ZNF407: variants seen among roughly 807,000 people sequenced by gnomAD.
ZNF407 encodes zinc finger protein 407.
In ZNF407, 17 loss-of-function variants were observed where a neutral mutation model predicts 131.2. That is an observed-to-expected ratio of 0.13 (90% CI 0.09 to 0.19). The LOEUF is 0.19. ZNF407 is among the 10% of genes least tolerant of loss of function. The probability of loss-of-function intolerance (pLI) is 1.00; values close to 1 mark genes in which losing one functional copy is unlikely to be tolerated. For missense variants in ZNF407, 2,681 were observed against 2,830.6 expected (o/e 0.95, Z 1.20); for synonymous variants, 1,156 against 1,062.0 (o/e 1.09, Z -1.72).
chr18:75,034,115 T>C (rs1973277032), intron 8 of ZNF407, among the ~76,000 whole-genome samples: 1 of 152,172 alleles, frequency 6.6e-6, no homozygotes, highest in Non-Finnish European at 1.5e-5. Flanking sequence ...TATACACACA[T>C]ATCAGCGTTC....
At chr18:74,642,225 C>T (rs1052963945) in intron 3 of ZNF407, among the ~76,000 whole-genome samples, 2 of 152,046 alleles carry the variant, frequency 1.3e-5, no homozygotes, top group African/African-American at 4.8e-5. Flanking sequence ...CAGTGACTTG[C>T]AGCTAAAGTA....
chr18:74,879,941 A>G lies in ZNF407; in HGVS notation c.5045-1095A>G, dbSNP rs76677026. Among the ~76,000 whole-genome samples, 85 of 152,352 alleles carry G rather than the reference A, an allele frequency of 5.6e-4. 1 individual carries two copies. In the East Asian group the frequency reaches 0.015, roughly 27 times the overall value. On this transcript the variant is annotated intron_variant, in intron 5 of 8. Transcript: ENST00000299687. ...AGGCAATTATAATTTCCAAAACACC[A>G]CAAGTTAAGTTTCTATTATGATAAA...
intron 5 of ZNF407, among the ~76,000 whole-genome samples, chr18:74,877,860 A>G (rs13381613): frequency 6.6e-6 from 1 of 152,246 alleles, no homozygotes; most frequent in Non-Finnish European, 1.5e-5. Context: ...TGTCAGATCC[A>G]AGAGTTTTTG....
intron 7 of ZNF407, among the ~76,000 whole-genome samples, chr18:74,899,172 A>AAAAAAG (rs1971490935): frequency 6.6e-6 from 1 of 152,198 alleles, no homozygotes; most frequent in Non-Finnish European, 1.5e-5. Flanking sequence ...GAGCAGGAAA[A>AAAAAAG]TGACATAATC....
At chr18:74,694,973 C>T (rs1967317133) in intron 3 of ZNF407, among the ~76,000 whole-genome samples, 2 of 152,090 alleles carry the variant, frequency 1.3e-5, no homozygotes, top group Admixed American at 1.3e-4. Flanking sequence ...TTGTTATTCT[C>T]ACTTTAGAGG....
chr18:74,902,786 A>G (rs2628119), intron 7 of ZNF407, among the ~76,000 whole-genome samples: 150,693 of 152,324 alleles, frequency 0.99, 74,558 homozygotes, highest in East Asian at 1. Context: ...TTAAAGCTAG[A>G]AAACATTTTT....
chr18:74,739,524 G>A lies in ZNF407; in HGVS notation c.4803-41904G>A, dbSNP rs1968499045. Among the ~76,000 whole-genome samples the A allele has an allele frequency of 1.3e-5, 2 of 151,208 alleles. 1 individual carries two copies. The highest frequency in any genetic ancestry group is 4.2e-4 in the South Asian group (2 of 4,804). On this transcript the variant is annotated intron_variant, in intron 3 of 8. Transcript: ENST00000299687. Reference sequence around the variant, plus strand: ...TTTATTTATATTTATATATATATATGTATGTATGTATGTATTTAAAGTCCA... The same window carrying A: ...TTTATTTATATTTATATATATATATATATGTATGTATGTATTTAAAGTCCA...
chr18:75,001,540 G>A (rs1972845640), intron 8 of ZNF407, among the ~76,000 whole-genome samples: 1 of 152,116 alleles, frequency 6.6e-6, no homozygotes, highest in Non-Finnish European at 1.5e-5. Context: ...GAGTAGTGAA[G>A]TACTATGAGA....
intron 1 of ZNF407, among the ~76,000 whole-genome samples, chr18:74,615,649 A>G (rs946550787): frequency 6.6e-6 from 1 of 152,220 alleles, no homozygotes; most frequent in Non-Finnish European, 1.5e-5. Flanking sequence ...AAGAAAATTT[A>G]TATTCTGCAG....
intron 8 of ZNF407, among the ~76,000 whole-genome samples, chr18:74,998,732 AC>A (rs1294672002): frequency 1.7e-5 from 2 of 116,856 alleles, no homozygotes; most frequent in Non-Finnish European, 3.5e-5. Flanking sequence ...AAATAGGAAC[AC>A]TTTTACACTG....
chr18:74,835,563 TAAAG>T (rs1970543460), intron 4 of ZNF407, among the ~76,000 whole-genome samples: 1 of 151,730 alleles, frequency 6.6e-6, no homozygotes. Flanking sequence ...TTGTTAGAGA[TAAAG>T]AAGTAAACTT....
rs548984789 is a variant in ZNF407 at position 74,717,150 on chromosome 18, C to A, written c.4803-64278C>A. Among the ~76,000 whole-genome samples, 9 of 152,204 alleles carry A rather than the reference C, an allele frequency of 5.9e-5. No homozygotes were observed. In the South Asian group the frequency reaches 1.9e-3, roughly 32 times the overall value. On this transcript the variant is annotated intron_variant, in intron 3 of 8. Transcript: ENST00000299687. ...ATTGGCCCAGGTGATTCTGACCTAG[C>A]CATTTCTGATGTAATTTTAGAAATG...
At position 74,634,618 on chromosome 18, in the gene ZNF407, A is replaced by G; in HGVS notation, c.3599A>G (p.Asn1200Ser). ...SNYGSPSRFQ[N>S]ENSGSSALNC... Reference sequence around the variant, plus strand: ...TATGGCTCCCCAAGCAGATTTCAAAATGAAAATTCAGGAAGCTCTGCCTTA... The same window carrying G: ...TATGGCTCCCCAAGCAGATTTCAAAGTGAAAATTCAGGAAGCTCTGCCTTA... Residue 1200 changes from asparagine to serine, a missense_variant, in exon 2 of 9, where the codon AAT becomes AGT. Around this residue, in one of 6 missense-constraint regions of ZNF407, gnomAD observed 1,789 missense variants for 1,748.7 expected, o/e 1.02. Coordinates refer to ENST00000299687, the MANE Select transcript of ZNF407 (RefSeq NM_017757.3). The G allele has an allele frequency of 1.2e-6, 2 of 1,613,994 alleles. No individual in the cohort carries two copies. The highest frequency in any genetic ancestry group is 8.5e-7 in the Non-Finnish European group (1 of 1,179,902).
chr18:74,736,830 G>T (rs115793683), intron 3 of ZNF407, among the ~76,000 whole-genome samples: 1 of 152,064 alleles, frequency 6.6e-6, no homozygotes, highest in African/African-American at 2.4e-5. Context: ...TATGGTCTCC[G>T]TTCATATAGT....
At chr18:74,994,621 G>A (rs995670959) in intron 8 of ZNF407, among the ~76,000 whole-genome samples, 1 of 151,910 alleles carries the variant, frequency 6.6e-6, no homozygotes, top group Non-Finnish European at 1.5e-5. Flanking sequence ...GTGTCCATCT[G>A]TGCAGAGAGC....
intron 8 of ZNF407, among the ~76,000 whole-genome samples, chr18:75,000,100 G>T (rs1972828120): frequency 6.6e-6 from 1 of 152,186 alleles, no homozygotes. Flanking sequence ...AAATGTATCT[G>T]CTCTTATTTC....
intron 4 of ZNF407, among the ~76,000 whole-genome samples, chr18:74,833,704 CAG>C (rs1323294666): frequency 6.6e-6 from 1 of 152,186 alleles, no homozygotes; most frequent in Non-Finnish European, 1.5e-5. Flanking sequence ...GAATAGGAAA[CAG>C]AGGTTTAAGA....
At chr18:74,657,472 G>A (rs1467188436) in intron 3 of ZNF407, among the ~76,000 whole-genome samples, 2 of 152,072 alleles carry the variant, frequency 1.3e-5, no homozygotes, top group African/African-American at 4.8e-5. Flanking sequence ...AAGGGAAACT[G>A]CTTTGAGCGT....
chr18:74,721,135 T>C (rs548026146), intron 3 of ZNF407, among the ~76,000 whole-genome samples: 2 of 152,308 alleles, frequency 1.3e-5, no homozygotes, highest in African/African-American at 4.8e-5. Flanking sequence ...AGGAGATGTC[T>C]TTCCATTTGT....
Sources: allele counts gnomAD v4.1 joint callset (sites outside exome capture counted in the v4.1 genomes callset), GRCh38; gene constraint gnomAD v4.1.1; regional missense constraint gnomAD v4.1.1; transcripts MANE v1.5; gene names NCBI Gene and HGNC (gene_info 2026-07-23, HGNC 2026-07-21).